Variants in STRN observed in about 807,000 individuals in gnomAD.
STRN encodes the protein striatin.
Under a neutral mutation model 96.3 loss-of-function variants are expected in STRN, and 53 were observed. The observed-to-expected ratio is 0.55, with a 90% CI of 0.44 to 0.69. STRN has a LOEUF of 0.69. Ranked by LOEUF, STRN falls within the 30% of genes least tolerant of loss-of-function variation. The pLI, the probability that STRN is intolerant of heterozygous loss-of-function variation, is 0.00. For synonymous variants in STRN, 428 were observed against 355.9 expected (o/e 1.20, Z -2.28); for missense variants, 987 against 963.9 (o/e 1.02, Z -0.32).
intron 1 of STRN, among the ~76,000 whole-genome samples, chr2:36,953,018 T>C (rs987588457): frequency 5.9e-5 from 9 of 152,232 alleles, no homozygotes; most frequent in African/African-American, 2.2e-4. Flanking sequence ...GTTGTGGAAT[T>C]TGACATGGTG....
rs2540933 is a variant in STRN, at chr2:36,861,884, T to A, written c.1548-631A>T. Among the ~76,000 whole-genome samples the A allele has an allele frequency of 8.5e-5, 13 of 152,180 alleles. No individual in the cohort carries two copies. The East Asian group carries it at 2.5e-3, about 29-fold the overall frequency. ...TATTCCCTCACTCAGGAAAAAAGCATAGTACGCAATGGGTAGTTTTTCCAA... is the reference window on the plus strand; with the variant it reads ...TATTCCCTCACTCAGGAAAAAAGCAAAGTACGCAATGGGTAGTTTTTCCAA... On this transcript the variant is annotated intron_variant, in intron 12 of 17. Transcript: ENST00000263918.
chr2:36,892,847 CCT>C lies in STRN; in HGVS notation c.931+1049_931+1050del, dbSNP rs376609374. 7.2e-5 allele frequency among the ~76,000 whole-genome samples: 11 copies of C among 152,212 alleles called. No individual in the cohort carries two copies. In the East Asian group the frequency reaches 2.1e-3, roughly 29 times the overall value. On this transcript the variant is annotated intron_variant, in intron 7 of 17. Coordinates refer to ENST00000263918, the MANE Select transcript of STRN (RefSeq NM_003162.4). ...ACCAGCCTGGCCAACATGGTGAAAC[CCT>C]GTTACTACTAAAAATACAAAAATTA...
chr2:36,891,386 C>T (rs781711247), intron 7 of STRN, among the ~76,000 whole-genome samples: 19 of 152,030 alleles, frequency 1.2e-4, no homozygotes, highest in Non-Finnish European at 2.8e-4. Flanking sequence ...AATAGCCGGG[C>T]GTGGTGGCAG....
intron 1 of STRN, among the ~76,000 whole-genome samples, chr2:36,943,013 A>G (rs553177119): frequency 6.6e-6 from 1 of 152,084 alleles, no homozygotes; most frequent in Admixed American, 6.6e-5. Context: ...TTTTTAATTA[A>G]TAGAAATATA....
chr2:36,863,443 A>G (rs1337111835), intron 12 of STRN, among the ~76,000 whole-genome samples: 2 of 152,146 alleles, frequency 1.3e-5, no homozygotes, highest in African/African-American at 2.4e-5. Context: ...TCCTTTCCCC[A>G]TTGCTTTTGT....
At chr2:36,958,707 G>T (rs1427591246) in intron 1 of STRN, among the ~76,000 whole-genome samples, 1 of 152,136 alleles carries the variant, frequency 6.6e-6, no homozygotes, top group African/African-American at 2.4e-5. Context: ...AACCCAAAAG[G>T]AGAAGAAAGG....
Position 36,844,865 on chromosome 2 carries a change from C to G in STRN, c.*4591G>C, listed in dbSNP as rs567547738. The G allele has an allele frequency of 1.3e-5, 2 of 152,158 alleles. No homozygotes were observed. Among genetic ancestry groups the G allele is most frequent in the Non-Finnish European group, 2.9e-5 (2 of 67,976 alleles). 9.4% of individuals were successfully genotyped at this position (152,158 alleles called of 1,614,324 possible). On this transcript the variant is annotated 3_prime_UTR_variant, in exon 18 of 18. Coordinates refer to ENST00000263918, the MANE Select transcript of STRN (RefSeq NM_003162.4). ...TGTCCTTTGTTTTTAAACACAGATA[C>G]GTTTTTCTGGGCCTTTCTCTAAAAT...
intron 1 of STRN, among the ~76,000 whole-genome samples, chr2:36,932,095 C>A (rs1314824532): frequency 1.3e-5 from 2 of 152,106 alleles, no homozygotes; most frequent in Non-Finnish European, 2.9e-5. Flanking sequence ...GCTGGAAATA[C>A]ATGCATAAGC....
At chr2:36,865,657 G>A (rs1368880937) in intron 12 of STRN, among the ~76,000 whole-genome samples, 3 of 152,076 alleles carry the variant, frequency 2.0e-5, no homozygotes, top group Non-Finnish European at 4.4e-5. Flanking sequence ...TGCCTCCTGG[G>A]TTCAAGCAAT....
At chr2:36,959,170 CCAAAGA>C (rs1008689673) in intron 1 of STRN, among the ~76,000 whole-genome samples, 3 of 151,958 alleles carry the variant, frequency 2.0e-5, no homozygotes, top group Non-Finnish European at 4.4e-5. Context: ...CTACATAACA[CCAAAGA>C]CAGAGAAAAT....
intron 6 of STRN, among the ~76,000 whole-genome samples, chr2:36,895,133 C>T (rs1669503893): frequency 6.6e-6 from 1 of 152,052 alleles, no homozygotes; most frequent in African/African-American, 2.4e-5. Flanking sequence ...CGAGACCATC[C>T]TGGCTAACAC....
chr2:36,863,651 C>T (rs2540927), intron 12 of STRN, among the ~76,000 whole-genome samples: 143,007 of 152,258 alleles, frequency 0.94, 67,814 homozygotes, highest in East Asian at 1. Flanking sequence ...CTTGGCTCTT[C>T]GGGTTTCCAT....
chr2:36,895,081 A>G (rs543749318), intron 6 of STRN, among the ~76,000 whole-genome samples: 50 of 152,262 alleles, frequency 3.3e-4, no homozygotes, highest in Non-Finnish European at 5.7e-4. Flanking sequence ...TAATCCCAGC[A>G]CTTTGGGAGG....
In STRN at chr2:36,849,203, A is replaced by C; in HGVS notation, c.*253T>G. The stretch of plus-strand genomic sequence containing the variant: ...AGCGAATTAGAACCACCTCAGAAAT[A>C]AAGGCGCCTATTGGGGAGAAATTTG... On this transcript the variant is annotated 3_prime_UTR_variant, in exon 18 of 18. Transcript: ENST00000263918. 4.6e-6 allele frequency: 2 copies of C among 431,642 alleles called. No individual in the cohort carries two copies. Among genetic ancestry groups the C allele is most frequent in the Non-Finnish European group, 4.1e-6 (1 of 241,818 alleles). The allele number at this position is 431,642 out of a possible 1,614,324, so 26.7% of individuals were successfully genotyped here. A position where few individuals can be genotyped will look rare whatever the true frequency, so the allele number is the denominator to read the frequency against.
At chr2:36,886,677 C>G in intron 8 of STRN, 39 bp downstream of exon 8, 1 of 1,498,856 alleles carries the variant, frequency 6.7e-7, no homozygotes, top group East Asian at 2.4e-5. Flanking sequence ...TGTAAAGAGG[C>G]AAGATTTATG....
chr2:36,943,356 A>C (rs1280917623), intron 1 of STRN, among the ~76,000 whole-genome samples: 1 of 151,474 alleles, frequency 6.6e-6, no homozygotes, highest in Non-Finnish European at 1.5e-5. Context: ...TTGGTTATAC[A>C]ATTATTAAAA....
At position 36,845,776 on chromosome 2, in the gene STRN, G is replaced by A. The variant is rs1304405148; in HGVS notation, c.*3680C>T. On this transcript the variant is annotated 3_prime_UTR_variant, in exon 18 of 18. Transcript: ENST00000263918. ...AAAATTCTTGGAAAGTATATATGGT[G>A]CTCAGAAGAGCACAAAGCGCATGAA... The A allele has an allele frequency of 3.3e-5, 5 of 151,968 alleles. No homozygotes were observed. The East Asian group carries it at 9.7e-4, about 29-fold the overall frequency. 9.4% of individuals were successfully genotyped at this position (151,968 alleles called of 1,614,324 possible).
chr2:36,856,992 C>T (rs1321660310), intron 14 of STRN, among the ~76,000 whole-genome samples: 2 of 151,836 alleles, frequency 1.3e-5, no homozygotes, highest in Non-Finnish European at 2.9e-5. Flanking sequence ...GCTTCCTGTA[C>T]AGAACCGTCA....
In STRN at chr2:36,868,389, A is replaced by C. The variant is rs546929223; in HGVS notation, c.1500-528T>G. ...TTATTTCCTTGCCTTTCCAATAAGG[A>C]TAATATGTCTATCCTTCATACTGAA... On this transcript the variant is annotated intron_variant, in intron 11 of 17. Coordinates refer to ENST00000263918, the MANE Select transcript of STRN (RefSeq NM_003162.4). 1.1e-4 allele frequency among the ~76,000 whole-genome samples: 16 copies of C among 152,314 alleles called. No individual in the cohort carries two copies. In the East Asian group the frequency reaches 1.7e-3, roughly 17 times the overall value.
Sources: allele counts gnomAD v4.1 joint callset (sites outside exome capture counted in the v4.1 genomes callset), GRCh38; gene constraint gnomAD v4.1.1; transcripts MANE v1.5; gene names NCBI Gene and HGNC (gene_info 2026-07-23, HGNC 2026-07-21).